GOLGA6L6: variants seen among roughly 807,000 people sequenced by gnomAD.
GOLGA6L6 encodes golgin subfamily A member 6-like protein 6.
A neutral mutation model predicts 75.6 loss-of-function variants in GOLGA6L6; 12 were observed. The ratio of observed to expected loss-of-function variants is 0.16; its 90% confidence interval spans 0.10 to 0.26. The LOEUF is 0.26. GOLGA6L6 is among the 10% of genes least tolerant of loss of function. GOLGA6L6 has a pLI of 1.00. For synonymous variants in GOLGA6L6, 38 were observed against 179.2 expected (o/e 0.21, Z 6.29); for missense variants, 144 against 598.5 (o/e 0.24, Z 7.92).
rs1890300362 is a variant in GOLGA6L6 at position 20,534,628 on chromosome 15, TATCTTCTCCTCCTGCTCCC to T, written c.1787_1805del (p.Arg596HisfsTer14). 1 of 1,061,980 alleles carries T rather than the reference TATCTTCTCCTCCTGCTCCC, an allele frequency of 9.4e-7. No individual in the cohort carries two copies. The highest frequency in any genetic ancestry group is 1.8e-5 in the African/African-American group (1 of 56,498). The allele number at this position is 1,061,980 out of a possible 1,614,324, so 65.8% of individuals were successfully genotyped here. On this transcript the variant is annotated frameshift_variant, in exon 8 of 9. Coordinates refer to ENST00000619213, the MANE Select transcript of GOLGA6L6 (RefSeq NM_001145004.2). LOFTEE classifies it high-confidence loss of function. Reference sequence around the variant, plus strand: ...CTCGTATCTTCTCCTCCTGCTCCCGTATCTTCTCCTCCTGCTCCCGTATCTTCTCCTCCTGCTCCCTTAT... The same window carrying T: ...CTCGTATCTTCTCCTCCTGCTCCCGTGTATCTTCTCCTCCTGCTCCCTTAT...
In GOLGA6L6 at chr15:20,534,483, T is replaced by C. The variant is rs1890289826; in HGVS notation, c.1951A>G (p.Ile651Val). The change falls in exon 8 of 9, where the codon ATA (isoleucine) becomes GTA (valine). Residue 651 changes from isoleucine to valine, a missense_variant. Transcript: ENST00000619213. The part of the protein sequence containing the change: ...EETMWRQEEK[I>V]REQEKKIREQ... ...CGTATCTTCTTCTCCTGCTCCCTTA[T>C]CTTCTCCTCCTGCCTCCACATCGTC... 1 of 1,463,768 alleles carries C rather than the reference T, an allele frequency of 6.8e-7. No individual in the cohort carries two copies. The highest frequency in any genetic ancestry group is 9.1e-7 in the Non-Finnish European group (1 of 1,099,432). The allele number at this position is 1,463,768 out of a possible 1,614,324, so 90.7% of individuals were successfully genotyped here.
rs541681222 is a variant in GOLGA6L6, at chr15:20,534,715, C to G, written c.1719G>C (p.Lys573Asn). 337 of 1,037,044 alleles carry G rather than the reference C, an allele frequency of 3.2e-4. 4 individuals are homozygous for G. In the Middle Eastern group the frequency reaches 3.8e-3, roughly 12 times the overall value. 64.2% of individuals were successfully genotyped at this position (1,037,044 alleles called of 1,614,324 possible). Residue 573 changes from lysine to asparagine, a missense_variant, in exon 8 of 9, where the codon AAG becomes AAC. Transcript: ENST00000619213. ...ACATCTTCTCCTCCTGCTCCTGCCTCTTTTCCTCCTGCTCCCGTATCTTCT... is the reference window on the plus strand; with the variant it reads ...ACATCTTCTCCTCCTGCTCCTGCCTGTTTTCCTCCTGCTCCCGTATCTTCT... ...QEEKIREQEE[K>N]RQEQEEKMWK...
chr15:20,537,688 TGGAG>T (rs1890400580), intron 5 of GOLGA6L6, among the ~76,000 whole-genome samples: 1 of 142,694 alleles, frequency 7.0e-6, no homozygotes, highest in East Asian at 2.0e-4. Context: ...ATTCTTCCGC[TGGAG>T]GTAGGGGCAC....
Position 20,534,381 on chromosome 15 carries a change from T to A in GOLGA6L6, c.2053A>T (p.Lys685Ter). 1 of 1,409,340 alleles carries A rather than the reference T, an allele frequency of 7.1e-7. No homozygotes were observed. Among genetic ancestry groups the A allele is most frequent in the Non-Finnish European group, 9.5e-7 (1 of 1,056,748 alleles). The allele number at this position is 1,409,340 out of a possible 1,614,324, so 87.3% of individuals were successfully genotyped here. A position where few individuals can be genotyped will look rare whatever the true frequency, so the allele number is the denominator to read the frequency against. The change falls in exon 8 of 9, where the codon AAG (lysine) becomes TAG (stop). Residue 685 changes from lysine (K) to a stop codon, truncating the protein, a stop_gained. Transcript: ENST00000619213. LOFTEE classifies it high-confidence loss of function. ...QEEKMWEQEE[K>*]MCEQEEKMQE... ...ATCTTCTCTTCCTGCTCACACATCT[T>A]CTCCTCCTGCTCCCACATCTTCTCT... is the stretch of plus-strand genomic sequence containing the variant.
chr15:20,534,224 T>A (rs1890277235), intron 8 of GOLGA6L6, 35 bp downstream of exon 8: 1 of 759,230 alleles, frequency 1.3e-6, no homozygotes, highest in African/African-American at 2.8e-5. Flanking sequence ...CTGCCCCAGC[T>A]TCCCCAGCCT....
Position 20,535,024 on chromosome 15 carries a change from C to A in GOLGA6L6, c.1410G>T (p.Glu470Asp). The A allele has an allele frequency of 7.1e-7, 1 of 1,406,628 alleles. No homozygotes were observed. The highest frequency in any genetic ancestry group is 9.6e-7 in the Non-Finnish European group (1 of 1,040,462). The allele number at this position is 1,406,628 out of a possible 1,614,324, so 87.1% of individuals were successfully genotyped here. A position where few individuals can be genotyped will look rare whatever the true frequency, so the allele number is the denominator to read the frequency against. Reference protein sequence around the residue: ...REQEEIWRQKEKMHEQEEKIR... With the variant: ...REQEEIWRQKDKMHEQEEKIR... ...TCTTCTCCTCCTGCTCGTGCATCTTCTCCTTTTGCCTCCATATCTCCTCCT... is the reference window on the plus strand; with the variant it reads ...TCTTCTCCTCCTGCTCGTGCATCTTATCCTTTTGCCTCCATATCTCCTCCT... Residue 470 changes from glutamate to aspartate, a missense_variant, in exon 8 of 9, where the codon GAG (glutamate) becomes GAT (aspartate). Glu to Asp is a conservative substitution (Grantham distance 45). Transcript: ENST00000619213.
Position 20,539,260 on chromosome 15 carries a change from G to A in GOLGA6L6, c.291+513C>T, listed in dbSNP as rs1357491276. Reference sequence around the variant, plus strand: ...GAGTGCGAGAAAAGCCCACCCTTCCGCCAGCTTGTGATTTAGAAAGGTGCA... The same window carrying A: ...GAGTGCGAGAAAAGCCCACCCTTCCACCAGCTTGTGATTTAGAAAGGTGCA... On this transcript the variant is annotated intron_variant, in intron 2 of 8. Transcript: ENST00000619213. Among the ~76,000 whole-genome samples, 6 of 55,550 alleles carry A rather than the reference G, an allele frequency of 1.1e-4. 2 individuals are homozygous for A. Among genetic ancestry groups the A allele is most frequent in the African/African-American group, 2.4e-4 (3 of 12,342 alleles). 36.4% of individuals were successfully genotyped at this position (55,550 alleles called of 152,430 possible). A position where few individuals can be genotyped will look rare whatever the true frequency, so the allele number is the denominator to read the frequency against.
chr15:20,534,519 C>G lies in GOLGA6L6; in HGVS notation c.1915G>C (p.Glu639Gln). ...TGCCTCCACATCGTCTCCTCCTGTT[C>G]TTGCATCTTCTCTTCCTGCTCACAC... ...KMCEQEEKMQ[E>Q]QEETMWRQEE... The change falls in exon 8 of 9, where the codon GAA becomes CAA. Residue 639 changes from glutamate (E) to glutamine (Q), a missense_variant. Physicochemically the swap from Glu to Gln is conservative, Grantham distance 29. Coordinates refer to ENST00000619213, the MANE Select transcript of GOLGA6L6 (RefSeq NM_001145004.2). The G allele has an allele frequency of 1.3e-6, 2 of 1,523,158 alleles. No individual in the cohort carries two copies. Among genetic ancestry groups the G allele is most frequent in the Non-Finnish European group, 1.8e-6 (2 of 1,131,224 alleles). 94.4% of individuals were successfully genotyped at this position (1,523,158 alleles called of 1,614,324 possible). A position where few individuals can be genotyped will look rare whatever the true frequency, so the allele number is the denominator to read the frequency against.
chr15:20,534,492 C>T lies in GOLGA6L6; in HGVS notation c.1942G>A (p.Glu648Lys), dbSNP rs1890290219. The T allele has an allele frequency of 5.5e-6, 8 of 1,466,604 alleles. No homozygotes were observed. Among genetic ancestry groups the T allele is most frequent in the Non-Finnish European group, 7.3e-6 (8 of 1,100,916 alleles). 90.8% of individuals were successfully genotyped at this position (1,466,604 alleles called of 1,614,324 possible). A position where few individuals can be genotyped will look rare whatever the true frequency, so the allele number is the denominator to read the frequency against. Residue 648 changes from glutamate to lysine, a missense_variant, in exon 8 of 9, where the codon GAG becomes AAG. Coordinates refer to ENST00000619213, the MANE Select transcript of GOLGA6L6 (RefSeq NM_001145004.2). ...QEQEETMWRQ[E>K]EKIREQEKKI... The stretch of plus-strand genomic sequence containing the variant: ...TTCTCCTGCTCCCTTATCTTCTCCT[C>T]CTGCCTCCACATCGTCTCCTCCTGT...
Position 20,532,598 on chromosome 15 carries a change from C to A in GOLGA6L6, c.*1005G>T, listed in dbSNP as rs569528948. The A allele has an allele frequency of 1.4e-5, 2 of 142,024 alleles. No individual in the cohort carries two copies. Among genetic ancestry groups the A allele is most frequent in the South Asian group, 4.5e-4 (2 of 4,420 alleles). The allele number at this position is 142,024 out of a possible 1,614,324, so 8.8% of individuals were successfully genotyped here. ...GGAGCTTGTTACGGATTCGCCTCCC[C>A]ACAAGAGCAGTTAGAAAAACTGGAT... On this transcript the variant is annotated 3_prime_UTR_variant, in exon 9 of 9. Transcript: ENST00000619213.
Position 20,538,473 on chromosome 15 carries a change from A to AT in GOLGA6L6, c.416dup (p.His139GlnfsTer19). On this transcript the variant is annotated frameshift_variant, in exon 4 of 9. Transcript: ENST00000619213. LOFTEE classifies it high-confidence loss of function. ...TCCCACCTTCCAACTGCTTGACAGC[A>AT]TGCTGGCTGTAGTAGAGTGCCATCT... is the stretch of plus-strand genomic sequence containing the variant. The AT allele has an allele frequency of 1.1e-6, 1 of 924,336 alleles. No homozygotes were observed. Among genetic ancestry groups the AT allele is most frequent in the Non-Finnish European group, 1.6e-6 (1 of 616,908 alleles). The allele number at this position is 924,336 out of a possible 1,614,324, so 57.3% of individuals were successfully genotyped here.
rs28716920 is a variant in GOLGA6L6, at chr15:20,534,530, T to C, written c.1904A>G (p.Glu635Gly). Residue 635 changes from glutamate to glycine, a missense_variant, in exon 8 of 9, where the codon GAG becomes GGG. Transcript: ENST00000619213. Reference sequence around the variant, plus strand: ...CGTCTCCTCCTGTTCTTGCATCTTCTCTTCCTGCTCACACATCTTCTCCTC... The same window carrying C: ...CGTCTCCTCCTGTTCTTGCATCTTCCCTTCCTGCTCACACATCTTCTCCTC... ...EQEEKMCEQE[E>G]KMQEQEETMW... The C allele has an allele frequency of 6.5e-7, 1 of 1,529,502 alleles. No homozygotes were observed. Among genetic ancestry groups the C allele is most frequent in the South Asian group, 1.2e-5 (1 of 83,516 alleles). The allele number at this position is 1,529,502 out of a possible 1,614,324, so 94.7% of individuals were successfully genotyped here.
intron 5 of GOLGA6L6, among the ~76,000 whole-genome samples, chr15:20,537,608 G>A (rs1441227693): frequency 6.8e-6 from 1 of 146,362 alleles, no homozygotes; most frequent in African/African-American, 2.5e-5. Context: ...CGGTATTAAA[G>A]GTTAAGTGCT....
intron 5 of GOLGA6L6, among the ~76,000 whole-genome samples, chr15:20,537,599 G>A (rs1277014830): frequency 2.0e-5 from 3 of 147,308 alleles, no homozygotes; most frequent in Non-Finnish European, 3.0e-5. Context: ...AAAAACATGC[G>A]GTATTAAAGG....
chr15:20,534,578 T>G lies in GOLGA6L6; in HGVS notation c.1856A>C (p.Gln619Pro), dbSNP rs1890294703. The change falls in exon 8 of 9, where the codon CAG (glutamine) becomes CCG (proline). Residue 619 changes from glutamine (Q) to proline (P), a missense_variant. Gln to Pro is a moderately conservative substitution (Grantham distance 76, BLOSUM62 -1). Coordinates refer to ENST00000619213, the MANE Select transcript of GOLGA6L6 (RefSeq NM_001145004.2). ...CTCCTGCTCCCCCATCTTCTCTTCC[T>G]GTTCCTGCGTCATCTCCTCCTGCTC... ...IREQEEMTQEQEEKMGEQEEK... is the reference protein window; with the variant it reads ...IREQEEMTQEPEEKMGEQEEK... 1 of 1,542,184 alleles carries G rather than the reference T, an allele frequency of 6.5e-7. No individual in the cohort carries two copies. The highest frequency in any genetic ancestry group is 8.8e-7 in the Non-Finnish European group (1 of 1,142,724).
Position 20,538,762 on chromosome 15 carries a change from G to A in GOLGA6L6, c.292-76C>T. 1.3e-5 allele frequency: 17 copies of A among 1,269,686 alleles called. 2 individuals carry two copies. Among genetic ancestry groups the A allele is most frequent in the East Asian group, 7.4e-5 (3 of 40,752 alleles). The allele number at this position is 1,269,686 out of a possible 1,614,324, so 78.7% of individuals were successfully genotyped here. A position where few individuals can be genotyped will look rare whatever the true frequency, so the allele number is the denominator to read the frequency against. On this transcript the variant is annotated intron_variant, in intron 2 of 8. Transcript: ENST00000619213. ...CAGCAAGAGACATGCCCCCAGAATG[G>A]CACCACTGCCCCAGAACAGGCCCAC...
At position 20,534,314 on chromosome 15, in the gene GOLGA6L6, A is replaced by T; in HGVS notation, c.2120T>A (p.Met707Lys). Residue 707 changes from methionine to lysine, a missense_variant, in exon 8 of 9, where the codon ATG becomes AAG. Coordinates refer to ENST00000619213, the MANE Select transcript of GOLGA6L6 (RefSeq NM_001145004.2). ...EEKMRRQEEK[M>K]WEQEVRLRQQ... ...CCGCAGCCTCACTTCCTGCTCCCAC[A>T]TCTTCTCCTCCTGCCTCCGCATCTT... is the stretch of plus-strand genomic sequence containing the variant. 8.0e-7 allele frequency: 1 copy of T among 1,243,728 alleles called. No individual in the cohort carries two copies. The highest frequency in any genetic ancestry group is 1.1e-6 in the Non-Finnish European group (1 of 900,588). 77.0% of individuals were successfully genotyped at this position (1,243,728 alleles called of 1,614,324 possible). A position where few individuals can be genotyped will look rare whatever the true frequency, so the allele number is the denominator to read the frequency against.
rs567074722 is a variant in GOLGA6L6, at chr15:20,535,055, C to T, written c.1379G>A (p.Arg460Lys). The change falls in exon 8 of 9, where the codon AGG (arginine) becomes AAG (lysine). Residue 460 changes from arginine (R) to lysine (K), a missense_variant. By Grantham distance (26) the Arg-to-Lys change is conservative. Coordinates refer to ENST00000619213, the MANE Select transcript of GOLGA6L6 (RefSeq NM_001145004.2). ...TTGCCTCCATATCTCCTCCTGCTCC[C>T]TTATCTTCTCCTCCTGCCTCCACAT... ...EEMWRQEEKI[R>K]EQEEIWRQKE... is the part of the protein sequence containing the mutation. 5.7e-6 allele frequency: 7 copies of T among 1,222,948 alleles called. No homozygotes were observed. In the African/African-American group the frequency reaches 1.2e-4, roughly 21 times the overall value. The allele number at this position is 1,222,948 out of a possible 1,614,324, so 75.8% of individuals were successfully genotyped here. A position where few individuals can be genotyped will look rare whatever the true frequency, so the allele number is the denominator to read the frequency against.
Position 20,534,528 on chromosome 15 carries a change from T to G in GOLGA6L6, c.1906A>C (p.Lys636Gln). 2 of 1,528,558 alleles carry G rather than the reference T, an allele frequency of 1.3e-6. No homozygotes were observed. The highest frequency in any genetic ancestry group is 1.8e-6 in the Non-Finnish European group (2 of 1,134,488). 94.7% of individuals were successfully genotyped at this position (1,528,558 alleles called of 1,614,324 possible). A position where few individuals can be genotyped will look rare whatever the true frequency, so the allele number is the denominator to read the frequency against. Residue 636 changes from lysine to glutamine, a missense_variant, in exon 8 of 9, where the codon AAG becomes CAG. By Grantham distance (53) the Lys-to-Gln change is moderately conservative. Coordinates refer to ENST00000619213, the MANE Select transcript of GOLGA6L6 (RefSeq NM_001145004.2). ...ATCGTCTCCTCCTGTTCTTGCATCTTCTCTTCCTGCTCACACATCTTCTCC... is the reference window on the plus strand; with the variant it reads ...ATCGTCTCCTCCTGTTCTTGCATCTGCTCTTCCTGCTCACACATCTTCTCC... ...QEEKMCEQEEKMQEQEETMWR... is the reference protein window; with the variant it reads ...QEEKMCEQEEQMQEQEETMWR...
Sources: gnomAD v4.1 joint callset for allele counts (sites outside exome capture counted in the v4.1 genomes callset) on GRCh38, gnomAD v4.1.1 for gene constraint, MANE v1.5 for transcripts, NCBI Gene and HGNC (gene_info 2026-07-23, HGNC 2026-07-21) for gene names.